MRC1: variants seen among roughly 807,000 people sequenced by gnomAD.
MRC1 encodes the protein macrophage mannose receptor 1.
Under a neutral mutation model 102.9 loss-of-function variants are expected in MRC1, and 62 were observed. That is an observed-to-expected ratio of 0.60 (90% CI 0.49 to 0.74). The LOEUF is 0.74. MRC1 is among the 30% of genes least tolerant of loss of function. The pLI is 0.00. For missense variants in MRC1, 1,237 were observed against 862.8 expected, an observed-to-expected ratio of 1.43 and a Z score of -5.43; for synonymous variants, 457 against 298.4, an observed-to-expected ratio of 1.53 and a Z score of -5.48.
intron 3 of MRC1, among the ~76,000 whole-genome samples, chr10:17,829,342 C>T (rs1209858707): frequency 1.3e-5 from 2 of 151,450 alleles, no homozygotes; most frequent in African/African-American, 2.5e-5. Flanking sequence ...TTTATAATCC[C>T]TAATTATCAC....
intron 5 of MRC1, 139 bp from the exon 6 acceptor site, chr10:17,845,150 T>C (rs1554840126): frequency 2.6e-6 from 2 of 779,212 alleles, no homozygotes; most frequent in Non-Finnish European, 4.8e-6. Context: ...TCAGTAAATA[T>C]TTTTTTGTGA....
intron 26 of MRC1, among the ~76,000 whole-genome samples, chr10:17,905,645 C>T (rs1349842560): frequency 4.6e-5 from 7 of 151,482 alleles, no homozygotes; most frequent in South Asian, 2.1e-4. Context: ...TATTTTGAAA[C>T]GGCTAATGTT....
intron 1 of MRC1, among the ~76,000 whole-genome samples, chr10:17,818,767 C>G (rs1564608863): frequency 1.3e-5 from 2 of 152,146 alleles, no homozygotes; most frequent in Admixed American, 6.5e-5. Context: ...CCACTGTACT[C>G]CAGCCTGGGT....
intron 12 of MRC1, among the ~76,000 whole-genome samples, chr10:17,869,290 G>A (rs1833321429): frequency 6.6e-6 from 1 of 152,186 alleles, no homozygotes; most frequent in Admixed American, 6.5e-5. Context: ...CTAGCAAGTT[G>A]AGGCATCATA....
intron 21 of MRC1, among the ~76,000 whole-genome samples, chr10:17,884,938 A>G (rs899068349): frequency 6.6e-6 from 1 of 152,206 alleles, no homozygotes; most frequent in Admixed American, 6.5e-5. Flanking sequence ...GTGACTTTTT[A>G]TGAATTAGAA....
intron 4 of MRC1, among the ~76,000 whole-genome samples, chr10:17,836,835 C>A (rs1838672322): frequency 6.6e-6 from 1 of 150,498 alleles, no homozygotes; most frequent in South Asian, 2.1e-4. Context: ...AAACTCGTCT[C>A]AAAAATAAAT....
At chr10:17,899,337 G>A (rs1220393328) in intron 24 of MRC1, among the ~76,000 whole-genome samples, 2 of 152,142 alleles carry the variant, frequency 1.3e-5, no homozygotes, top group Non-Finnish European at 2.9e-5. Context: ...CATTTGATAA[G>A]TCATTTGTTT....
In MRC1 at chr10:17,879,255, A is replaced by G. The variant is rs990893069; in HGVS notation, c.2619-466A>G. ...GTTGCTACTGCGGAGCATGATGCAT[A>G]GGACACACCACATACTCAGGCATTG... On this transcript the variant is annotated intron_variant, in intron 18 of 29. Coordinates refer to ENST00000569591, the MANE Select transcript of MRC1 (RefSeq NM_002438.4). Among the ~76,000 whole-genome samples, 8 of 152,200 alleles carry G rather than the reference A, an allele frequency of 5.3e-5. No individual in the cohort carries two copies. In the East Asian group the frequency reaches 1.2e-3, roughly 22 times the overall value.
rs1833913482 is a variant in MRC1, at chr10:17,907,610, T to C, written c.3990T>C (p.Asn1330=). 1 of 780,782 alleles carries C rather than the reference T, an allele frequency of 1.3e-6. No individual in the cohort carries two copies. 48.4% of individuals were successfully genotyped at this position (780,782 alleles called of 1,614,324 possible). A position where few individuals can be genotyped will look rare whatever the true frequency, so the allele number is the denominator to read the frequency against. Residue 1330 remains asparagine (N), a synonymous_variant, in exon 28 of 30, where the codon AAT becomes AAC. Transcript: ENST00000569591. The part of the protein sequence containing the change: ...WNTGDPSGER[N]DCVALHASSG... Reference sequence around the variant, plus strand: ...CAGGAGATCCCTCTGGTGAACGGAATGATTGTGTAGCTTTACATGCGTCTT... The same window carrying C: ...CAGGAGATCCCTCTGGTGAACGGAACGATTGTGTAGCTTTACATGCGTCTT...
At chr10:17,891,700 A>G (rs948268310) in intron 22 of MRC1, among the ~76,000 whole-genome samples, 21 of 152,314 alleles carry the variant, frequency 1.4e-4, no homozygotes, top group Admixed American at 4.6e-4. Context: ...GCTACGAATT[A>G]GGCTGTGTTT....
intron 12 of MRC1, among the ~76,000 whole-genome samples, chr10:17,867,045 C>T (rs1422651421): frequency 6.6e-6 from 1 of 151,942 alleles, no homozygotes; most frequent in Admixed American, 6.6e-5. Context: ...TCTCCTTTCT[C>T]CCAGGCCTTC....
intron 4 of MRC1, among the ~76,000 whole-genome samples, chr10:17,839,078 A>G (rs969274375): frequency 2.0e-5 from 3 of 152,260 alleles, no homozygotes; most frequent in Admixed American, 1.3e-4. Context: ...AATAATGGTA[A>G]TAATAACAGT....
intron 12 of MRC1, among the ~76,000 whole-genome samples, chr10:17,868,615 T>C (rs1324685025): frequency 2.6e-5 from 4 of 152,222 alleles, no homozygotes; most frequent in Admixed American, 2.6e-4. Flanking sequence ...ATAGTCCTGC[T>C]CTCTGTACTT....
At chr10:17,834,530 A>G (rs952480550) in intron 4 of MRC1, among the ~76,000 whole-genome samples, 2 of 152,104 alleles carry the variant, frequency 1.3e-5, no homozygotes, top group Non-Finnish European at 2.9e-5. Context: ...CTCCTGCCTC[A>G]GCCTCCCACG....
At chr10:17,853,285 C>A (rs1833012762) in intron 8 of MRC1, among the ~76,000 whole-genome samples, 161 bp downstream of exon 8, 2 of 152,122 alleles carry the variant, frequency 1.3e-5, no homozygotes, top group South Asian at 4.2e-4. Context: ...TTGAATCCCT[C>A]TCAACTGTCT....
chr10:17,843,647 G>A (rs1838782549), intron 5 of MRC1, among the ~76,000 whole-genome samples: 2 of 151,294 alleles, frequency 1.3e-5, no homozygotes, highest in Admixed American at 6.6e-5. Flanking sequence ...CTGAGTGACA[G>A]AGCAAAACTC....
chr10:17,853,014 A>G lies in MRC1; in HGVS notation c.1297A>G (p.Met433Val), dbSNP rs1654023921. The change falls in exon 8 of 30, where the codon ATG (methionine) becomes GTG (valine). Residue 433 changes from methionine (M) to valine (V), a missense_variant. Met to Val is a conservative substitution (Grantham distance 21, BLOSUM62 1). Coordinates refer to ENST00000569591, the MANE Select transcript of MRC1 (RefSeq NM_002438.4). ...WIGLNDIKIQ[M>V]YFEWSDGTPV... ...CGGCTTAAATGACATTAAGATTCAAATGTACTTTGAGTGGAGTGATGGGAC... is the reference window on the plus strand; with the variant it reads ...CGGCTTAAATGACATTAAGATTCAAGTGTACTTTGAGTGGAGTGATGGGAC... The G allele has an allele frequency of 1.3e-6, 1 of 780,694 alleles. No homozygotes were observed. Among genetic ancestry groups the G allele is most frequent in the African/African-American group, 1.7e-5 (1 of 59,120 alleles). The allele number at this position is 780,694 out of a possible 1,614,324, so 48.4% of individuals were successfully genotyped here.
At chr10:17,832,229 A>G (rs1838585354) in intron 3 of MRC1, among the ~76,000 whole-genome samples, 1 of 151,368 alleles carries the variant, frequency 6.6e-6, no homozygotes, top group Non-Finnish European at 1.5e-5. Flanking sequence ...ATGTACGTTT[A>G]TTTTCTTTGC....
chr10:17,874,402 C>T (rs1372009575), intron 16 of MRC1, among the ~76,000 whole-genome samples: 1 of 152,184 alleles, frequency 6.6e-6, no homozygotes, highest in Non-Finnish European at 1.5e-5. Flanking sequence ...CCCTCCGCCC[C>T]TCTGCATAAG....
Sources: allele counts gnomAD v4.1 joint callset (sites outside exome capture counted in the v4.1 genomes callset), GRCh38; gene constraint gnomAD v4.1.1; transcripts MANE v1.5; gene names NCBI Gene and HGNC (gene_info 2026-07-23, HGNC 2026-07-21).